Variants in TEP1 observed in about 807,000 individuals in gnomAD.
The protein encoded by TEP1 is telomerase protein component 1.
TEP1 carries 241 observed loss-of-function variants against 306.3 expected under a neutral mutation model. The ratio of observed to expected loss-of-function variants is 0.79; its 90% CI spans 0.71 to 0.88. The LOEUF is 0.88. Among genes scored for constraint, TEP1 ranks in the 40% least tolerant of loss-of-function variants. The pLI is 0.00. For synonymous variants in TEP1, 1,289 were observed against 1,305.5 expected (o/e 0.99, Z 0.27); for missense variants, 3,051 against 3,276.1 (o/e 0.93, Z 1.68).
In TEP1 at chr14:20,407,927, G is replaced by A. The variant is rs1341482110; in HGVS notation, c.513C>T (p.Cys171=). 24 of 1,613,454 alleles carry A rather than the reference G, an allele frequency of 1.5e-5. No individual in the cohort carries two copies. Among genetic ancestry groups the A allele is most frequent in the Non-Finnish European group, 1.9e-5 (23 of 1,179,748 alleles). ...HFSKGLDLST[C]PIALKSISAT... ...CAGAGATGGATTTCAGGGCTATAGG[G>A]CAGGTTGAAAGGTCTAGTCCCTTAG... The change falls in exon 2 of 55, where the codon TGC becomes TGT. Residue 171 remains cysteine (C), a synonymous_variant. Coordinates refer to ENST00000262715, the MANE Select transcript of TEP1 (RefSeq NM_007110.5).
At position 20,403,745 on chromosome 14, in the gene TEP1, G is replaced by C. The variant is rs749570245; in HGVS notation, c.1172C>G (p.Pro391Arg). 5 of 1,613,848 alleles carry C rather than the reference G, an allele frequency of 3.1e-6. No homozygotes were observed. In the Admixed American group the frequency reaches 8.3e-5, roughly 27 times the overall value. ...NPRKHRAKRHPRRPPRSPGME... is the reference protein window; with the variant it reads ...NPRKHRAKRHRRRPPRSPGME... Reference sequence around the variant, plus strand: ...GACTGGAGAGCGGGGTGGCCGGCGGGGGTGTCTCTTGGCCCGGTGCTTCCG... The same window carrying C: ...GACTGGAGAGCGGGGTGGCCGGCGGCGGTGTCTCTTGGCCCGGTGCTTCCG... Residue 391 changes from proline (P) to arginine (R), a missense_variant, in exon 6 of 55, where the codon CCC becomes CGC. Physicochemically the swap from Pro to Arg is moderately radical, Grantham distance 103. Coordinates refer to ENST00000262715, the MANE Select transcript of TEP1 (RefSeq NM_007110.5).
intron 9 of TEP1, 37 bp from the exon 10 acceptor site, chr14:20,396,767 G>C: frequency 6.8e-7 from 1 of 1,473,506 alleles, no homozygotes; most frequent in Non-Finnish European, 9.3e-7. Context: ...AAAAACAAAT[G>C]AGAAGGCCAG....
Position 20,369,784 on chromosome 14 carries a change from G to T in TEP1, c.7318-5C>A. 6.2e-7 allele frequency: 1 copy of T among 1,611,230 alleles called. No individual in the cohort carries two copies. The highest frequency in any genetic ancestry group is 1.1e-5 in the South Asian group (1 of 90,972). ...CTCTCCTGATTCCTTTTGCCTCTGTGAAAGAATAGGTAATTTTGTTTAGCC... is the reference window on the plus strand; with the variant it reads ...CTCTCCTGATTCCTTTTGCCTCTGTTAAAGAATAGGTAATTTTGTTTAGCC... On this transcript the variant is annotated splice_region_variant and splice_polypyrimidine_tract_variant and intron_variant, in intron 51 of 54. Transcript: ENST00000262715.
At position 20,389,669 on chromosome 14, in the gene TEP1, C is replaced by T. The variant is rs1264027211; in HGVS notation, c.2406G>A (p.Trp802Ter). The T allele has an allele frequency of 6.2e-7, 1 of 1,614,234 alleles. No homozygotes were observed. Among genetic ancestry groups the T allele is most frequent in the Non-Finnish European group, 8.5e-7 (1 of 1,180,044 alleles). Residue 802 changes from tryptophan (W) to a stop codon, truncating the protein, a stop_gained, in exon 16 of 55, where the codon TGG becomes TGA. Transcript: ENST00000262715. LOFTEE classifies it high-confidence loss of function. Reference sequence around the variant, plus strand: ...AGAGGCACTTGGAATTCACACGCTGCCAGTAAAGCTGTTTGGCCACATTTA... The same window carrying T: ...AGAGGCACTTGGAATTCACACGCTGTCAGTAAAGCTGTTTGGCCACATTTA... ...GMINVAKQLY[W>*]QRVNSKCLFV...
chr14:20,391,181 C>G, intron 13 of TEP1, 85 bp from the exon 14 acceptor site: 1 of 1,411,312 alleles, frequency 7.1e-7, no homozygotes, highest in Non-Finnish European at 9.8e-7. Context: ...CCAAACCCTT[C>G]CATTGGTTAG....
At chr14:20,371,746 CT>C (rs1434375478) in intron 49 of TEP1, 114 bp from the exon 50 acceptor site, 26 of 1,259,304 alleles carry the variant, frequency 2.1e-5, no homozygotes, top group Non-Finnish European at 2.6e-5. Flanking sequence ...AATGTATCAC[CT>C]TCCCTGAAAA....
intron 1 of TEP1, among the ~76,000 whole-genome samples, chr14:20,410,453 T>C (rs921911490): frequency 6.6e-6 from 1 of 152,030 alleles, no homozygotes; most frequent in South Asian, 2.1e-4. Context: ...GACAGAGTCT[T>C]GCTCTGTCAC....
intron 54 of TEP1, 115 bp from the exon 55 acceptor site, chr14:20,368,674 T>C (rs556924489): frequency 2.0e-5 from 31 of 1,543,802 alleles, no homozygotes; most frequent in Non-Finnish European, 2.7e-5. Context: ...TTGCAAGTGA[T>C]TGAAGAAAAC....
At chr14:20,390,835 A>G (rs1877642272) in intron 14 of TEP1, 77 bp from the exon 15 acceptor site, 1 of 1,613,010 alleles carries the variant, frequency 6.2e-7, no homozygotes, top group African/African-American at 1.3e-5. Context: ...TGCTTGGGAA[A>G]TCTTCAGAAC....
Position 20,389,673 on chromosome 14 carries a change from T to C in TEP1, c.2402A>G (p.Tyr801Cys). 1 of 1,614,260 alleles carries C rather than the reference T, an allele frequency of 6.2e-7. No homozygotes were observed. ...GCACTTGGAATTCACACGCTGCCAG[T>C]AAAGCTGTTTGGCCACATTTATCAT... Reference protein sequence around the residue: ...DGMINVAKQLYWQRVNSKCLF... With the variant: ...DGMINVAKQLCWQRVNSKCLF... Residue 801 changes from tyrosine to cysteine, a missense_variant, in exon 16 of 55, where the codon TAC becomes TGC. Tyr to Cys is a radical substitution (Grantham distance 194). Around this residue, in one of 3 missense-constraint regions of TEP1, gnomAD observed 1,507 missense variants for 1,550.5 expected, o/e 0.97. Transcript: ENST00000262715.
In TEP1 at chr14:20,386,135, G is replaced by A; in HGVS notation, c.2922C>T (p.Gly974=). ...ENAQLFVGIL[G]SRYGYIPPSY... is the part of the protein sequence containing the mutation. ...TGGGGGGAATGTATCCATAACGGGA[G>A]CCCAGAATCCCCACAAACAGCTGTG... Residue 974 remains glycine (G), a synonymous_variant, in exon 20 of 55, where the codon GGC becomes GGT. Coordinates refer to ENST00000262715, the MANE Select transcript of TEP1 (RefSeq NM_007110.5). 2 of 1,613,558 alleles carry A rather than the reference G, an allele frequency of 1.2e-6. No individual in the cohort carries two copies. The highest frequency in any genetic ancestry group is 1.7e-6 in the Non-Finnish European group (2 of 1,179,814).
chr14:20,391,830 G>A (rs999864789), intron 12 of TEP1, 63 bp from the exon 13 acceptor site: 47 of 1,558,740 alleles, frequency 3.0e-5, no homozygotes, highest in Admixed American at 1.6e-4. Context: ...AGAGGCAGAC[G>A]GGGAGATGAG....
At chr14:20,370,088 A>G (rs914759460) in intron 51 of TEP1, among the ~76,000 whole-genome samples, 6 of 151,982 alleles carry the variant, frequency 3.9e-5, no homozygotes, top group Non-Finnish European at 8.8e-5. Flanking sequence ...TGATTTTTTT[A>G]TTTTTAGTAA....
Position 20,383,856 on chromosome 14 carries a change from G to A in TEP1, c.3597C>T (p.Phe1199=), listed in dbSNP as rs959479152. Reference sequence around the variant, plus strand: ...GGTCAGGACGAGCCCCAGAAAAGTGGAAGAAGACTAATGATGCCACCTTGG... The same window carrying A: ...GGTCAGGACGAGCCCCAGAAAAGTGAAAGAAGACTAATGATGCCACCTTGG... ...DGAKVASLVF[F]HFSGARPDQG... Residue 1199 remains phenylalanine (F), a synonymous_variant, in exon 25 of 55, where the codon TTC becomes TTT. Coordinates refer to ENST00000262715, the MANE Select transcript of TEP1 (RefSeq NM_007110.5). The A allele has an allele frequency of 6.2e-7, 1 of 1,604,410 alleles. No individual in the cohort carries two copies.
At chr14:20,374,564 G>A (rs2139014161) in intron 43 of TEP1, 28 bp from the exon 44 acceptor site, 3 of 1,540,214 alleles carry the variant, frequency 1.9e-6, no homozygotes, top group South Asian at 2.3e-5. Flanking sequence ...AGAGGAGTGG[G>A]ATTATCAGCA....
rs1006141134 is a variant in TEP1, at chr14:20,365,753, G to A, written c.*2684C>T. On this transcript the variant is annotated 3_prime_UTR_variant, in exon 55 of 55. Coordinates refer to ENST00000262715, the MANE Select transcript of TEP1 (RefSeq NM_007110.5). ...TTCTAAATGGTTACTCTCAACTTCC[G>A]TACTTATCTCATTATAAAACATTAA... is the stretch of plus-strand genomic sequence containing the variant. The A allele has an allele frequency of 2.0e-5, 3 of 151,944 alleles. No homozygotes were observed. The highest frequency in any genetic ancestry group is 2.1e-4 in the South Asian group (1 of 4,828). The allele number at this position is 151,944 out of a possible 1,614,324, so 9.4% of individuals were successfully genotyped here.
At position 20,381,910 on chromosome 14, in the gene TEP1, T is replaced by C; in HGVS notation, c.4424+3A>G. 1 of 1,613,840 alleles carries C rather than the reference T, an allele frequency of 6.2e-7. No individual in the cohort carries two copies. Among genetic ancestry groups the C allele is most frequent in the Non-Finnish European group, 8.5e-7 (1 of 1,179,886 alleles). On this transcript the variant is annotated splice_donor_region_variant and intron_variant, in intron 30 of 54. Transcript: ENST00000262715. The surrounding 1 kb of genome is among the most constrained non-coding windows in gnomAD (Gnocchi z 4.0). ...AGCGGGAGCTCTGCTGGGGCACCTG[T>C]ACCTGCGCAGACTCTGGACGAGGCA...
At position 20,382,630 on chromosome 14, in the gene TEP1, T is replaced by C. The variant is rs199931942; in HGVS notation, c.4133A>G (p.Tyr1378Cys). Reference protein sequence around the residue: ...VTDHLRLFTLYEQVSERLRTL... With the variant: ...VTDHLRLFTLCEQVSERLRTL... ...AAGGTGATGAGAACTGACCTGCTCA[T>C]ACAGCGTGAAGAGCCTCAGGTGATC... The change falls in exon 28 of 55, where the codon TAT becomes TGT. Residue 1378 changes from tyrosine (Y) to cysteine (C), a missense_variant. Transcript: ENST00000262715. The C allele has an allele frequency of 7.5e-5, 121 of 1,614,068 alleles. No individual in the cohort carries two copies. In the East Asian group the frequency reaches 2.6e-3, roughly 35 times the overall value.
At chr14:20,390,652 G>A (rs774635619) in intron 15 of TEP1, 29 bp downstream of exon 15, 50 of 1,603,312 alleles carry the variant, frequency 3.1e-5, no homozygotes, top group Non-Finnish European at 4.3e-5. Context: ...GTGGGGGAGG[G>A]AGAGGGTTTC....
Sources: gnomAD v4.1 joint callset for allele counts (sites outside exome capture counted in the v4.1 genomes callset) on GRCh38, gnomAD v4.1.1 for gene constraint, gnomAD v4.1.1 regional missense constraint, Gnocchi (gnomAD v3.1) non-coding constraint, MANE v1.5 for transcripts, NCBI Gene and HGNC (gene_info 2026-07-23, HGNC 2026-07-21) for gene names.